The following MYO1D variants were observed in gnomAD, a reference collection of about 807,000 sequenced individuals.
MYO1D encodes the protein myosin ID, also known as unconventional myosin-Id.
Under a neutral mutation model 122.0 loss-of-function variants are expected in MYO1D, and 83 were observed. The observed-to-expected ratio is 0.68, with a 90% CI of 0.57 to 0.82. The LOEUF is 0.82. Among genes scored for constraint, MYO1D ranks in the 40% least tolerant of loss-of-function variants. The pLI, the probability that MYO1D is intolerant of heterozygous loss-of-function variation, is 0.00. For synonymous variants in MYO1D, 464 were observed against 446.9 expected (o/e 1.04, Z -0.48); for missense variants, 1,157 against 1,269.5 (o/e 0.91, Z 1.35).
intron 1 of MYO1D, among the ~76,000 whole-genome samples, chr17:32,823,764 A>G (rs543409034): frequency 1.3e-5 from 2 of 152,274 alleles, no homozygotes; most frequent in South Asian, 2.1e-4. Flanking sequence ...AACATCATGC[A>G]AAAACTATTT....
At chr17:32,850,468 TTG>T (rs1297579808) in intron 1 of MYO1D, among the ~76,000 whole-genome samples, 1 of 152,186 alleles carries the variant, frequency 6.6e-6, no homozygotes, top group Non-Finnish European at 1.5e-5. Flanking sequence ...TGAAATAAAA[TTG>T]TATTTGATAT....
intron 8 of MYO1D, among the ~76,000 whole-genome samples, chr17:32,762,451 T>C (rs9893973): frequency 0.54 from 82,477 of 152,046 alleles, 23,433 homozygotes; most frequent in East Asian, 0.73. Flanking sequence ...GTACTTTCAC[T>C]TTTCTGATTC....
intron 21 of MYO1D, among the ~76,000 whole-genome samples, chr17:32,583,458 T>C (rs919982596): frequency 6.6e-6 from 1 of 152,196 alleles, no homozygotes; most frequent in Non-Finnish European, 1.5e-5. Context: ...TCTTCAAGTA[T>C]TTTTTCTGTC....
chr17:32,570,260 A>G (rs1030998159), intron 21 of MYO1D, among the ~76,000 whole-genome samples: 1 of 152,224 alleles, frequency 6.6e-6, no homozygotes, highest in Non-Finnish European at 1.5e-5. Flanking sequence ...CTGACAGTCA[A>G]AAATTTGTCC....
intron 14 of MYO1D, among the ~76,000 whole-genome samples, chr17:32,724,338 C>T (rs930040090): frequency 2.6e-5 from 4 of 152,298 alleles, no homozygotes; most frequent in Admixed American, 2.6e-4. Flanking sequence ...AACTAATTAG[C>T]TAATTTATGA....
chr17:32,845,766 TAGTAC>T (rs2090932547), intron 1 of MYO1D, among the ~76,000 whole-genome samples: 1 of 152,176 alleles, frequency 6.6e-6, no homozygotes, highest in South Asian at 2.1e-4. Context: ...CTGCTTTGGA[TAGTAC>T]GGTACAGAAT....
chr17:32,497,337 A>G (rs1909157224), intron 21 of MYO1D, among the ~76,000 whole-genome samples: 1 of 152,104 alleles, frequency 6.6e-6, no homozygotes, highest in African/African-American at 2.4e-5. Context: ...TGTGCTTGTA[A>G]TCCTAGTTCC....
intron 10 of MYO1D, among the ~76,000 whole-genome samples, chr17:32,757,814 C>G (rs931617512): frequency 6.6e-6 from 1 of 152,142 alleles, no homozygotes; most frequent in African/African-American, 2.4e-5. Context: ...CTTCCAGCAA[C>G]TTGGCATTCC....
chr17:32,712,516 G>A (rs564254439), intron 15 of MYO1D, among the ~76,000 whole-genome samples: 1 of 152,210 alleles, frequency 6.6e-6, no homozygotes, highest in East Asian at 1.9e-4. Context: ...GAGAAGGGTG[G>A]CTCTGTCATG....
chr17:32,822,234 T>C (rs932630716), intron 1 of MYO1D, among the ~76,000 whole-genome samples: 56 of 152,230 alleles, frequency 3.7e-4, no homozygotes, highest in African/African-American at 1.3e-3. Flanking sequence ...GGGACATGGA[T>C]GAAGCTGGAA....
At chr17:32,672,686 A>C (rs1366114569) in intron 16 of MYO1D, among the ~76,000 whole-genome samples, 1 of 152,132 alleles carries the variant, frequency 6.6e-6, no homozygotes, top group Non-Finnish European at 1.5e-5. Flanking sequence ...GGGTTTTGCC[A>C]CGTTGGCCAG....
chr17:32,660,231 C>A (rs1028630108), intron 16 of MYO1D, among the ~76,000 whole-genome samples: 3 of 152,172 alleles, frequency 2.0e-5, no homozygotes, highest in African/African-American at 7.2e-5. Flanking sequence ...GTACACATCG[C>A]CATCATGCCC....
At chr17:32,710,485 A>G (rs1284887659) in intron 16 of MYO1D, among the ~76,000 whole-genome samples, 1 of 152,232 alleles carries the variant, frequency 6.6e-6, no homozygotes, top group Non-Finnish European at 1.5e-5. Flanking sequence ...AAAACCATAC[A>G]GTTCATAGAA....
At chr17:32,682,549 T>C (rs1407871346) in intron 16 of MYO1D, among the ~76,000 whole-genome samples, 3 of 151,574 alleles carry the variant, frequency 2.0e-5, no homozygotes, top group African/African-American at 7.3e-5. Flanking sequence ...GGGTTGAAAA[T>C]TCTTTTTTTT....
intron 21 of MYO1D, among the ~76,000 whole-genome samples, chr17:32,521,954 C>T (rs953497184): frequency 2.6e-5 from 4 of 151,792 alleles, no homozygotes; most frequent in South Asian, 2.1e-4. Context: ...CAGTGGCAGG[C>T]GCCTGTAATC....
chr17:32,762,469 C>T (rs2090011164), intron 8 of MYO1D, among the ~76,000 whole-genome samples: 1 of 152,120 alleles, frequency 6.6e-6, no homozygotes, highest in Admixed American at 6.6e-5. Context: ...TTCAAGCTGC[C>T]CTCATCTCTT....
Position 32,667,316 on chromosome 17 carries a change from G to C in MYO1D, c.2122-7978C>G, listed in dbSNP as rs574228729. Among the ~76,000 whole-genome samples the C allele has an allele frequency of 5.6e-4, 85 of 152,214 alleles. 1 individual carries two copies. Among genetic ancestry groups the C allele is most frequent in the African/African-American group, 1.9e-3 (81 of 41,540 alleles). On this transcript the variant is annotated intron_variant, in intron 16 of 21. Transcript: ENST00000318217. ...TTATTCCTCTTCCATTTCTATAAGG[G>C]ACAAAATGAATAAAGACTTGATATG...
chr17:32,719,344 C>T (rs1205612969), intron 15 of MYO1D, among the ~76,000 whole-genome samples: 3 of 145,480 alleles, frequency 2.1e-5, no homozygotes, highest in African/African-American at 7.5e-5. Flanking sequence ...TTAAACATCT[C>T]CTTGCCCTTT....
chr17:32,808,501 T>G (rs1434624266), intron 1 of MYO1D, among the ~76,000 whole-genome samples: 1 of 152,194 alleles, frequency 6.6e-6, no homozygotes, highest in East Asian at 1.9e-4. Context: ...AGTGCTTTTA[T>G]CCGACTATAA....
Sources: allele counts gnomAD v4.1 joint callset (sites outside exome capture counted in the v4.1 genomes callset), GRCh38; gene constraint gnomAD v4.1.1; transcripts MANE v1.5; gene names NCBI Gene and HGNC (gene_info 2026-07-23, HGNC 2026-07-21).